ABCB1: variants seen among roughly 807,000 people sequenced by gnomAD.
ABCB1 encodes ATP-dependent translocase ABCB1.
In ABCB1, 69 loss-of-function variants were observed where a neutral mutation model predicts 142.0. The ratio of observed to expected loss-of-function variants is 0.49; its 90% CI spans 0.40 to 0.59. The LOEUF is 0.59. ABCB1 is among the 20% of genes least tolerant of loss of function. The pLI is 0.00. For synonymous variants in ABCB1, 532 were observed against 539.2 expected (o/e 0.99, Z 0.18); for missense variants, 1,326 against 1,554.7 (o/e 0.85, Z 2.47).
chr7:87,550,977 T>C lies in ABCB1; in HGVS notation c.1000-139A>G. 3 of 660,546 alleles carry C rather than the reference T, an allele frequency of 4.5e-6. No individual in the cohort carries two copies. In the South Asian group the frequency reaches 5.1e-5, roughly 11 times the overall value. 40.9% of individuals were successfully genotyped at this position (660,546 alleles called of 1,614,324 possible). On this transcript the variant is annotated intron_variant, in intron 9 of 27. Transcript: ENST00000622132. ...ACATATAAATACTAGGTGTTAAAAA[T>C]ATTTTAAAAGTTTGTAACTAACAGT... is the stretch of plus-strand genomic sequence containing the variant.
intron 7 of ABCB1, chr7:87,563,449 C>A: frequency 2.3e-6 from 1 of 444,290 alleles, no homozygotes; most frequent in South Asian, 1.6e-5. Context: ...AGCAGCACAT[C>A]AAAAAGCTTA....
In ABCB1 at chr7:87,550,295, A is replaced by G; in HGVS notation, c.1226T>C (p.Ile409Thr). 6.2e-7 allele frequency: 1 copy of G among 1,614,134 alleles called. No homozygotes were observed. The stretch of plus-strand genomic sequence containing the variant: ...CACCTTCAGGTTCAGACCCTTCAAG[A>G]TCTACCAGGACGAGTGAGAAAAAAA... ...FSYPSRKEVKILKGLNLKVQS... is the reference protein window; with the variant it reads ...FSYPSRKEVKTLKGLNLKVQS... Residue 409 changes from isoleucine to threonine, a missense_variant and splice_region_variant, in exon 12 of 28, where the codon ATC becomes ACC. Transcript: ENST00000622132.
At chr7:87,520,724 T>C (rs753697440) in intron 22 of ABCB1, 52 bp downstream of exon 22, 241 of 1,501,242 alleles carry the variant, frequency 1.6e-4, no homozygotes, top group Non-Finnish European at 2.2e-4. Context: ...AAAACAAATA[T>C]GATGATTGAA....
intron 14 of ABCB1, among the ~76,000 whole-genome samples, chr7:87,546,774 C>T (rs1816801948): frequency 1.3e-5 from 2 of 152,066 alleles, no homozygotes; most frequent in South Asian, 4.1e-4. Flanking sequence ...CAGCAAAGTC[C>T]AGACCTCAAT....
rs753295978 is a variant in ABCB1, at chr7:87,515,276, C to G, written c.3237G>C (p.Val1079=). 2 of 1,614,132 alleles carry G rather than the reference C, an allele frequency of 1.2e-6. No individual in the cohort carries two copies. The highest frequency in any genetic ancestry group is 1.1e-5 in the South Asian group (1 of 91,084). ...CGTAGAACCGCTCCAGGAGCTGGAC[C>G]ACTGTGCTCTTCCCACAGCCACTGC... The part of the protein sequence containing the change: ...VGSSGCGKST[V]VQLLERFYDP... The change falls in exon 25 of 28, where the codon GTG becomes GTC. Residue 1079 remains valine, a synonymous_variant. Transcript: ENST00000622132.
upstream of ABCB1, among the ~76,000 whole-genome samples, chr7:87,602,273 G>A (rs1323988103): frequency 6.7e-6 from 1 of 149,092 alleles, no homozygotes; most frequent in Non-Finnish European, 1.5e-5. Flanking sequence ...GATTACAGGC[G>A]TGAGCTACAG....
rs1165671365 is a variant in ABCB1 at position 87,504,159 on chromosome 7, C to T, written c.*84G>A. ...GTTAAACAGATACCTCTTCATAATTCTGTAAGTGTTTGCTTTTAACTTTGA... is the reference window on the plus strand; with the variant it reads ...GTTAAACAGATACCTCTTCATAATTTTGTAAGTGTTTGCTTTTAACTTTGA... On this transcript the variant is annotated 3_prime_UTR_variant, in exon 28 of 28. Transcript: ENST00000622132. 1 of 1,544,274 alleles carries T rather than the reference C, an allele frequency of 6.5e-7. No individual in the cohort carries two copies. Among genetic ancestry groups the T allele is most frequent in the Non-Finnish European group, 8.9e-7 (1 of 1,128,500 alleles).
chr7:87,518,033 A>C (rs1472963696), intron 23 of ABCB1, among the ~76,000 whole-genome samples: 1 of 152,220 alleles, frequency 6.6e-6, no homozygotes, highest in African/African-American at 2.4e-5. Context: ...GCCCTTCTCT[A>C]GACACATTTA....
chr7:87,552,956 G>A (rs1040258392), intron 9 of ABCB1, among the ~76,000 whole-genome samples: 2 of 152,080 alleles, frequency 1.3e-5, no homozygotes, highest in Admixed American at 6.5e-5. Context: ...ACATTAAATG[G>A]CAAGACTTCT....
At chr7:87,632,430 A>ATT (rs1283089892) in intron 1 of ABCB1, among the ~76,000 whole-genome samples, 1 of 152,202 alleles carries the variant, frequency 6.6e-6, no homozygotes, top group Non-Finnish European at 1.5e-5. Context: ...TGTAGACTAA[A>ATT]AACATTTGCA....
At chr7:87,538,210 T>C (rs1026850958) in intron 19 of ABCB1, among the ~76,000 whole-genome samples, 1 of 152,122 alleles carries the variant, frequency 6.6e-6, no homozygotes, top group Admixed American at 6.6e-5. Flanking sequence ...TGGAGGCTGG[T>C]TGGGTAATGG....
At chr7:87,709,397 C>T in intron 1 of ABCB1, 1 of 985,330 alleles carries the variant, frequency 1.0e-6, no homozygotes, top group Non-Finnish European at 1.2e-6. Context: ...AGTAGCTTGC[C>T]TCTTCCTTCC....
intron 1 of ABCB1, chr7:87,628,924 G>A: frequency 7.6e-7 from 1 of 1,310,092 alleles, no homozygotes. Context: ...GTGGAGAGGA[G>A]GAACCTGATC....
chr7:87,592,928 CTTTTTTTTT>C (rs35396007), intron 3 of ABCB1, among the ~76,000 whole-genome samples: 1 of 138,106 alleles, frequency 7.2e-6, no homozygotes, highest in Non-Finnish European at 1.6e-5. Context: ...AATATATAAT[CTTTTTTTTT>C]TTTTTTTTGA....
chr7:87,698,961 T>A (rs577382203), intron 1 of ABCB1, among the ~76,000 whole-genome samples: 5 of 152,232 alleles, frequency 3.3e-5, no homozygotes, highest in African/African-American at 4.8e-5. Context: ...TCACTAGAAA[T>A]ACTAGGGGGC....
intron 5 of ABCB1, among the ~76,000 whole-genome samples, chr7:87,568,242 C>CAAT (rs112610351): frequency 0.084 from 11,412 of 135,906 alleles, 633 homozygotes; most frequent in African/African-American, 0.15. Context: ...AAAAATACGA[C>CAAT]AATAATAATA....
rs567313293 is a variant in ABCB1, at chr7:87,678,176, A to G, written c.-331+34985T>C. ...TTTTCTCCTCTATTAAGGTCTTTCA[A>G]TATGACTACTCAAGCAATCCTCCCA... On this transcript the variant is annotated intron_variant, in intron 1 of 28. Transcript: ENST00000265724. 4.6e-5 allele frequency among the ~76,000 whole-genome samples: 7 copies of G among 152,340 alleles called. No homozygotes were observed. The East Asian group carries it at 1.2e-3, about 25-fold the overall frequency.
At position 87,600,166 on chromosome 7, in the gene ABCB1, G is replaced by T. The variant is rs758755760; in HGVS notation, c.19C>A (p.Arg7Ser). The T allele has an allele frequency of 2.5e-6, 4 of 1,613,952 alleles. No homozygotes were observed. Among genetic ancestry groups the T allele is most frequent in the Non-Finnish European group, 3.4e-6 (4 of 1,179,950 alleles). ...TTCTTCTTCTTTGCTCCTCCATTGCGGTCCCCTTCAAGATCCATTCCGACC... is the reference window on the plus strand; with the variant it reads ...TTCTTCTTCTTTGCTCCTCCATTGCTGTCCCCTTCAAGATCCATTCCGACC... MDLEGD[R>S]NGGAKKKNFF... is the part of the protein sequence containing the mutation. The change falls in exon 2 of 28, where the codon CGC becomes AGC. Residue 7 changes from arginine to serine, a missense_variant. Coordinates refer to ENST00000622132, the MANE Select transcript of ABCB1 (RefSeq NM_001348946.2).
At chr7:87,609,150 G>A (rs1293608236) in intron 1 of ABCB1, among the ~76,000 whole-genome samples, 2 of 152,102 alleles carry the variant, frequency 1.3e-5, no homozygotes, top group East Asian at 3.8e-4. Context: ...CAGAGCAGGG[G>A]AAAGAGAGTG....
Sources: gnomAD v4.1 joint callset for allele counts (sites outside exome capture counted in the v4.1 genomes callset) on GRCh38, gnomAD v4.1.1 for gene constraint, MANE v1.5 for transcripts, NCBI Gene and HGNC (gene_info 2026-07-23, HGNC 2026-07-21) for gene names.